The following EXOC5 variants were observed in gnomAD, a reference collection of about 807,000 sequenced individuals.
EXOC5 encodes the protein exocyst complex component 5.
In EXOC5, 17 loss-of-function variants were observed where a neutral mutation model predicts 90.8. That is an observed-to-expected ratio of 0.19 (90% CI 0.13 to 0.28). EXOC5 has a LOEUF of 0.28. EXOC5 is among the 10% of genes least tolerant of loss of function. The pLI is 1.00. For missense variants in EXOC5, 569 were observed against 830.6 expected, an observed-to-expected ratio of 0.69 and a Z score of 3.87; for synonymous variants, 260 against 270.0, an observed-to-expected ratio of 0.96 and a Z score of 0.36.
Position 57,268,890 on chromosome 14 carries a change from C to G in EXOC5, c.-242G>C. The stretch of plus-strand genomic sequence containing the variant: ...CTGCTCCCATTGTCACCGCCTCATA[C>G]GCCGGAAGTGGAACTGCGCGCGCCA... On this transcript the variant is annotated 5_prime_UTR_variant, in exon 1 of 18. Coordinates refer to ENST00000621441, the MANE Select transcript of EXOC5 (RefSeq NM_006544.4). 1 of 1,077,862 alleles carries G rather than the reference C, an allele frequency of 9.3e-7. No homozygotes were observed. Among genetic ancestry groups the G allele is most frequent in the Non-Finnish European group, 1.3e-6 (1 of 793,046 alleles). 66.8% of individuals were successfully genotyped at this position (1,077,862 alleles called of 1,614,324 possible).
At chr14:57,264,328 T>G (rs1884605475) in intron 1 of EXOC5, among the ~76,000 whole-genome samples, 1 of 152,242 alleles carries the variant, frequency 6.6e-6, no homozygotes, top group South Asian at 2.1e-4. Flanking sequence ...GACATCATTT[T>G]CAACAACTCT....
At chr14:57,244,840 T>C (rs935103527) in intron 3 of EXOC5, among the ~76,000 whole-genome samples, 50 of 151,986 alleles carry the variant, frequency 3.3e-4, no homozygotes, top group African/African-American at 1.2e-3. Context: ...CTACTAAAAA[T>C]ACAAATATTA....
rs150768054 is a variant in EXOC5, at chr14:57,266,375, T to C, written c.27+2247A>G. ...CAAGGCCAAGAGATCAACTTTTCAC[T>C]TGGGGATGAAAACTTACTCAAGAGT... is the stretch of plus-strand genomic sequence containing the variant. On this transcript the variant is annotated intron_variant, in intron 1 of 17. Transcript: ENST00000621441. Among the ~76,000 whole-genome samples the C allele has an allele frequency of 4.9e-3, 751 of 152,306 alleles. 3 individuals are homozygous for C. The highest frequency in any genetic ancestry group is 0.01 in the Admixed American group (158 of 15,290).
chr14:57,241,092 G>A (rs1424691791), intron 4 of EXOC5, among the ~76,000 whole-genome samples: 1 of 152,088 alleles, frequency 6.6e-6, no homozygotes, highest in East Asian at 1.9e-4. Flanking sequence ...GGCCTCAAGT[G>A]ATCTGCCCAT....
At chr14:57,242,672 G>A (rs558402427) in intron 4 of EXOC5, among the ~76,000 whole-genome samples, 1 of 152,290 alleles carries the variant, frequency 6.6e-6, no homozygotes, top group Admixed American at 6.5e-5. Context: ...AGCTCTGTGG[G>A]TGCTTTTTCC....
chr14:57,267,743 T>A (rs1043813699), intron 1 of EXOC5, among the ~76,000 whole-genome samples: 9 of 152,212 alleles, frequency 5.9e-5, no homozygotes, highest in African/African-American at 2.2e-4. Context: ...ACAACGGACT[T>A]CACGAAATTA....
At chr14:57,219,059 A>G (rs1200335015) in intron 14 of EXOC5, among the ~76,000 whole-genome samples, 2 of 152,078 alleles carry the variant, frequency 1.3e-5, no homozygotes, top group Non-Finnish European at 2.9e-5. Flanking sequence ...ATGAGATTTC[A>G]GTTTTAGGTT....
intron 6 of EXOC5, among the ~76,000 whole-genome samples, chr14:57,236,284 T>C (rs1883655668): frequency 6.7e-6 from 1 of 148,598 alleles, no homozygotes; most frequent in Non-Finnish European, 1.5e-5. Flanking sequence ...TTTTTTTCAT[T>C]TTCTTTTTTT....
chr14:57,230,788 G>A (rs1326791083), intron 11 of EXOC5, among the ~76,000 whole-genome samples: 1 of 151,586 alleles, frequency 6.6e-6, no homozygotes, highest in East Asian at 1.9e-4. Context: ...TAAAGTCTCT[G>A]AACAAAACTC....
chr14:57,265,842 A>G (rs1452889508), intron 1 of EXOC5, among the ~76,000 whole-genome samples: 1 of 152,224 alleles, frequency 6.6e-6, no homozygotes, highest in Non-Finnish European at 1.5e-5. Flanking sequence ...ATTTTAAAAC[A>G]CTGTACATGG....
chr14:57,236,790 A>G lies in EXOC5; in HGVS notation c.559+548T>C, dbSNP rs542967918. Among the ~76,000 whole-genome samples the G allele has an allele frequency of 3.0e-4, 45 of 152,250 alleles. 1 individual carries two copies. The highest frequency in any genetic ancestry group is 1.0e-3 in the African/African-American group (43 of 41,556). On this transcript the variant is annotated intron_variant, in intron 6 of 17. Transcript: ENST00000621441. ...TGACCCCAGCTACCACAGAACCTGCAAATTTAGTGGTCTTTTCAAAAACCT... is the reference window on the plus strand; with the variant it reads ...TGACCCCAGCTACCACAGAACCTGCGAATTTAGTGGTCTTTTCAAAAACCT...
intron 1 of EXOC5, among the ~76,000 whole-genome samples, chr14:57,266,731 GTGTGTA>G (rs1566509834): frequency 3.1e-5 from 3 of 97,560 alleles, no homozygotes; most frequent in African/African-American, 1.3e-4. Context: ...GTATGTGTGT[GTGTGTA>G]TATATATATA....
Position 57,247,686 on chromosome 14 carries a change from A to G in EXOC5, c.54T>C (p.Ile18=). The G allele has an allele frequency of 6.4e-7, 1 of 1,562,560 alleles. No homozygotes were observed. The highest frequency in any genetic ancestry group is 8.7e-7 in the Non-Finnish European group (1 of 1,151,292). Reference sequence around the variant, plus strand: ...CTGGGGTTCTCCATACAAGACGTTCAATATATTCATCTGCCACAAAAGGCT... The same window carrying G: ...CTGGGGTTCTCCATACAAGACGTTCGATATATTCATCTGCCACAAAAGGCT... ...FEEPFVADEY[I]ERLVWRTPGG... is the part of the protein sequence containing the mutation. Residue 18 remains isoleucine (I), a synonymous_variant, in exon 2 of 18, where the codon ATT becomes ATC. Coordinates refer to ENST00000621441, the MANE Select transcript of EXOC5 (RefSeq NM_006544.4).
chr14:57,247,815 A>C (rs1282099212), intron 1 of EXOC5, 103 bp from the exon 2 acceptor site: 1 of 525,516 alleles, frequency 1.9e-6, no homozygotes, highest in Non-Finnish European at 3.4e-6. Context: ...TTAAAATGAA[A>C]TTACTAATTG....
At chr14:57,242,991 C>G (rs1190463958) in intron 4 of EXOC5, among the ~76,000 whole-genome samples, 1 of 152,148 alleles carries the variant, frequency 6.6e-6, no homozygotes. Flanking sequence ...TGAAGTTACT[C>G]AGGAATGGAA....
At position 57,208,639 on chromosome 14, in the gene EXOC5, T is replaced by C; in HGVS notation, c.2097A>G (p.Arg699=). Residue 699 remains arginine, a synonymous_variant, in exon 18 of 18, where the codon AGA becomes AGG. Coordinates refer to ENST00000621441, the MANE Select transcript of EXOC5 (RefSeq NM_006544.4). ...HSFVQLRADY[R]SARLARHFS is the part of the protein sequence containing the mutation. Reference sequence around the variant, plus strand: ...TGAAGTGTCGAGCAAGGCGGGCAGATCTATAATCAGCACGAAGTTGTACGA... The same window carrying C: ...TGAAGTGTCGAGCAAGGCGGGCAGACCTATAATCAGCACGAAGTTGTACGA... 1.2e-6 allele frequency: 2 copies of C among 1,609,502 alleles called. No individual in the cohort carries two copies. The highest frequency in any genetic ancestry group is 1.7e-6 in the Non-Finnish European group (2 of 1,177,596).
intron 13 of EXOC5, among the ~76,000 whole-genome samples, chr14:57,221,374 G>A (rs376157506): frequency 3.9e-5 from 6 of 152,276 alleles, no homozygotes; most frequent in East Asian, 1.9e-4. Flanking sequence ...TTCCCCTTAA[G>A]AGTAATAGGA....
chr14:57,254,153 G>A (rs1884275024), intron 1 of EXOC5, among the ~76,000 whole-genome samples: 1 of 152,118 alleles, frequency 6.6e-6, no homozygotes, highest in African/African-American at 2.4e-5. Context: ...GCCTAACACT[G>A]GCTGGGCGCA....
chr14:57,231,820 A>T, intron 10 of EXOC5, 105 bp from the exon 11 acceptor site: 3 of 718,068 alleles, frequency 4.2e-6, no homozygotes, highest in Non-Finnish European at 4.6e-6. Flanking sequence ...ACTTATGTTA[A>T]GCCACCATTT....
Sources: gnomAD v4.1 joint callset for allele counts (sites outside exome capture counted in the v4.1 genomes callset) on GRCh38, gnomAD v4.1.1 for gene constraint, MANE v1.5 for transcripts, NCBI Gene and HGNC (gene_info 2026-07-23, HGNC 2026-07-21) for gene names.